Variants in LRBA observed in about 807,000 individuals in gnomAD.
LRBA encodes LPS responsive beige-like anchor protein.
In LRBA, 176 loss-of-function variants were observed where a neutral mutation model predicts 330.0. That is an observed-to-expected ratio of 0.53 (90% CI 0.47 to 0.60). The LOEUF (loss-of-function observed/expected upper bound fraction) is 0.60. Among genes scored for constraint, LRBA ranks in the 20% least tolerant of loss-of-function variants. LRBA has a pLI of 0.00. For synonymous variants in LRBA, 1,230 were observed against 1,193.0 expected (o/e 1.03, Z -0.64); for missense variants, 3,259 against 3,444.8 (o/e 0.95, Z 1.35).
intron 37 of LRBA, among the ~76,000 whole-genome samples, chr4:150,661,798 T>C (rs1287002416): frequency 6.6e-6 from 1 of 151,904 alleles, no homozygotes; most frequent in East Asian, 1.9e-4. Context: ...TATTTTTTTA[T>C]TTTTAGTAGA....
chr4:150,533,479 A>AT (rs75636793), intron 40 of LRBA, among the ~76,000 whole-genome samples: 32,984 of 150,992 alleles, frequency 0.22, 3,653 homozygotes, highest in East Asian at 0.29. Context: ...GCCAAAACCC[A>AT]TTTTTTTTTA....
intron 40 of LRBA, among the ~76,000 whole-genome samples, chr4:150,550,511 T>G (rs12647325): frequency 0.14 from 21,186 of 152,206 alleles, 1,509 homozygotes; most frequent in Middle Eastern, 0.17. Context: ...CCAACTATTC[T>G]TTTTCTCTGA....
chr4:150,681,125 A>G (rs2126905679), intron 37 of LRBA, among the ~76,000 whole-genome samples: 1 of 152,360 alleles, frequency 6.6e-6, no homozygotes, highest in East Asian at 1.9e-4. Flanking sequence ...AATTTTGCTC[A>G]TTGTGCATAT....
intron 2 of LRBA, among the ~76,000 whole-genome samples, chr4:150,980,963 A>G (rs928712367): frequency 4.6e-5 from 7 of 152,166 alleles, no homozygotes; most frequent in African/African-American, 1.7e-4. Flanking sequence ...TACTGGTGAA[A>G]AAAAGTGAAG....
At chr4:150,393,474 C>G (rs1335306620) in intron 47 of LRBA, among the ~76,000 whole-genome samples, 1 of 151,476 alleles carries the variant, frequency 6.6e-6, no homozygotes, top group Non-Finnish European at 1.5e-5. Flanking sequence ...TCTTCCCTCC[C>G]TTTCCCTCCC....
At chr4:150,639,988 C>G (rs1010932762) in intron 37 of LRBA, among the ~76,000 whole-genome samples, 4 of 149,124 alleles carry the variant, frequency 2.7e-5, no homozygotes, top group Non-Finnish European at 4.5e-5. Flanking sequence ...TCCCAAGTAG[C>G]TGGGATTACA....
At chr4:150,837,756 C>T (rs1748374305) in intron 28 of LRBA, among the ~76,000 whole-genome samples, 1 of 147,826 alleles carries the variant, frequency 6.8e-6, no homozygotes, top group Non-Finnish European at 1.5e-5. Flanking sequence ...ATTTGCCAGT[C>T]TGTGTCTTTT....
intron 11 of LRBA, among the ~76,000 whole-genome samples, chr4:150,906,971 A>G (rs76088910): frequency 0.022 from 3,366 of 151,776 alleles, 110 homozygotes; most frequent in African/African-American, 0.077. Context: ...AAGTTTGTTC[A>G]TTATCCCAAC....
Position 150,868,259 on chromosome 4 carries a change from G to A in LRBA, c.2496C>T (p.Cys832=). Residue 832 remains cysteine, a synonymous_variant, in exon 21 of 57, where the codon TGC becomes TGT. Coordinates refer to ENST00000651943, the MANE Select transcript of LRBA (RefSeq NM_001364905.1). The part of the protein sequence containing the change: ...IATLLRNSPQ[C]PESMEVRRAF... The stretch of plus-strand genomic sequence containing the variant: ...CTCTGCGAACCTCCATGCTCTCTGG[G>A]CACTGGGGAGAATTTCGAAGTAGGG... 1 of 1,611,792 alleles carries A rather than the reference G, an allele frequency of 6.2e-7. No homozygotes were observed. Among genetic ancestry groups the A allele is most frequent in the Non-Finnish European group, 8.5e-7 (1 of 1,178,302 alleles).
intron 37 of LRBA, among the ~76,000 whole-genome samples, chr4:150,648,856 C>A (rs746747209): frequency 4.6e-5 from 7 of 152,060 alleles, no homozygotes; most frequent in Non-Finnish European, 1.0e-4. Context: ...CAACTTCCTA[C>A]TTTCCTCCAC....
intron 52 of LRBA, among the ~76,000 whole-genome samples, chr4:150,309,758 G>T (rs1471590622): frequency 2.0e-5 from 3 of 152,088 alleles, no homozygotes; most frequent in Non-Finnish European, 4.4e-5. Context: ...CTTCATGATG[G>T]TGTAGATTTC....
chr4:150,351,111 G>A (rs1737088951), intron 47 of LRBA, among the ~76,000 whole-genome samples: 1 of 152,172 alleles, frequency 6.6e-6, no homozygotes, highest in Non-Finnish European at 1.5e-5. Context: ...TGGTTGAGAT[G>A]CTAGGCACAA....
At chr4:150,320,904 T>A (rs1732414266) in intron 50 of LRBA, among the ~76,000 whole-genome samples, 1 of 152,120 alleles carries the variant, frequency 6.6e-6, no homozygotes, top group African/African-American at 2.4e-5. Flanking sequence ...ATATACTGTT[T>A]ATGGACATAA....
At chr4:150,350,238 A>T in intron 47 of LRBA, 79 bp from the exon 48 acceptor site, 2 of 1,100,812 alleles carry the variant, frequency 1.8e-6, no homozygotes, top group Non-Finnish European at 2.6e-6. Flanking sequence ...CAATCAGTAA[A>T]GTTTAACACT....
intron 17 of LRBA, among the ~76,000 whole-genome samples, chr4:150,891,757 G>A (rs974946894): frequency 3.3e-5 from 5 of 152,070 alleles, no homozygotes; most frequent in African/African-American, 9.7e-5. Context: ...TGTTTCCCTG[G>A]AGAACTCTGA....
intron 13 of LRBA, among the ~76,000 whole-genome samples, chr4:150,901,525 T>C (rs574372556): frequency 4.4e-4 from 67 of 152,324 alleles, no homozygotes; most frequent in Middle Eastern, 3.4e-3. Flanking sequence ...TGAACCTTTA[T>C]GTTACCTTCC....
intron 47 of LRBA, among the ~76,000 whole-genome samples, chr4:150,390,672 A>G (rs1338570444): frequency 6.6e-6 from 1 of 152,160 alleles, no homozygotes; most frequent in Non-Finnish European, 1.5e-5. Flanking sequence ...ATTCTTCCTC[A>G]AATTCATTCT....
chr4:150,510,647 G>A (rs1260994053), intron 40 of LRBA, among the ~76,000 whole-genome samples: 2 of 152,076 alleles, frequency 1.3e-5, no homozygotes, highest in Non-Finnish European at 2.9e-5. Flanking sequence ...GATTTCAACA[G>A]AGTGGAATTC....
chr4:150,972,416 G>C (rs1739682247), intron 2 of LRBA, among the ~76,000 whole-genome samples: 1 of 151,998 alleles, frequency 6.6e-6, no homozygotes, highest in African/African-American at 2.4e-5. Flanking sequence ...AGAAAAAACA[G>C]GATTTTAGAT....
Sources: allele counts gnomAD v4.1 joint callset (sites outside exome capture counted in the v4.1 genomes callset), GRCh38; gene constraint gnomAD v4.1.1; transcripts MANE v1.5; gene names NCBI Gene and HGNC (gene_info 2026-07-23, HGNC 2026-07-21).